The following ADGRE1 variants were observed in gnomAD, a reference collection of about 807,000 sequenced individuals.
ADGRE1 encodes adhesion G protein-coupled receptor E1.
In ADGRE1, 82 loss-of-function variants were observed where a neutral mutation model predicts 102.7. That is an observed-to-expected ratio of 0.80 (90% CI 0.67 to 0.96). The LOEUF is 0.96. Ranked by LOEUF, ADGRE1 falls within the 40% of genes least tolerant of loss-of-function variation. The probability of loss-of-function intolerance (pLI) is 0.00; values close to 1 mark genes in which losing one functional copy is unlikely to be tolerated. For missense variants in ADGRE1, 1,032 were observed against 1,085.3 expected (o/e 0.95, Z 0.69); for synonymous variants, 398 against 399.6 (o/e 1.00, Z 0.05).
chr19:6,925,184 C>T (rs1424354989), intron 15 of ADGRE1, among the ~76,000 whole-genome samples: 2 of 152,118 alleles, frequency 1.3e-5, no homozygotes, highest in Admixed American at 6.6e-5. Flanking sequence ...TGCAATGGCA[C>T]GATCTTGGCT....
intron 10 of ADGRE1, among the ~76,000 whole-genome samples, chr19:6,911,542 TAA>T (rs1974183125): frequency 6.6e-6 from 1 of 151,948 alleles, no homozygotes; most frequent in Non-Finnish European, 1.5e-5. Context: ...CATCCAGTGT[TAA>T]GAGGTAGATA....
At chr19:6,926,738 G>T (rs1351255005) in intron 16 of ADGRE1, 137 bp downstream of exon 16, 1 of 843,362 alleles carries the variant, frequency 1.2e-6, no homozygotes, top group African/African-American at 1.7e-5. Context: ...ATGTACTATT[G>T]GTTTCAGGAC....
At chr19:6,910,664 C>T (rs434431) in intron 10 of ADGRE1, among the ~76,000 whole-genome samples, 93,623 of 148,994 alleles carry the variant, frequency 0.63, 31,303 homozygotes, top group Non-Finnish European at 0.75. Context: ...CTCCGCCTCC[C>T]GGGTTCATGC....
At chr19:6,906,348 C>A in intron 8 of ADGRE1, 85 bp from the exon 9 acceptor site, 1 of 1,217,604 alleles carries the variant, frequency 8.2e-7, no homozygotes, top group Non-Finnish European at 1.2e-6. Context: ...AAGTCGGGCA[C>A]GGGAGGACAT....
chr19:6,929,611 C>T (rs910486593), intron 17 of ADGRE1, among the ~76,000 whole-genome samples: 1 of 151,972 alleles, frequency 6.6e-6, no homozygotes, highest in Non-Finnish European at 1.5e-5. Context: ...CAACCTCTGC[C>T]TCCTGGGTTC....
chr19:6,901,753 G>A, intron 5 of ADGRE1, 122 bp from the exon 6 acceptor site: 1 of 994,320 alleles, frequency 1.0e-6, no homozygotes, highest in South Asian at 1.5e-5. Flanking sequence ...GGGGAACATG[G>A]ATATTGGGGA....
At chr19:6,909,762 T>G (rs1974101445) in intron 10 of ADGRE1, among the ~76,000 whole-genome samples, 1 of 152,146 alleles carries the variant, frequency 6.6e-6, no homozygotes. Context: ...TGAGATGAAG[T>G]CTTGCTCTGT....
Position 6,901,861 on chromosome 19 carries a change from C to T in ADGRE1, c.515-14C>T. 1 of 1,613,476 alleles carries T rather than the reference C, an allele frequency of 6.2e-7. No homozygotes were observed. The highest frequency in any genetic ancestry group is 8.5e-7 in the Non-Finnish European group (1 of 1,179,464). On this transcript the variant is annotated splice_polypyrimidine_tract_variant and intron_variant, in intron 5 of 20. Coordinates refer to ENST00000312053, the MANE Select transcript of ADGRE1 (RefSeq NM_001974.5). ...TCATTTACCTTGACCTGGGTTTTCT[C>T]TTCCACTCTTCAGACGTGGATGAAT... is the stretch of plus-strand genomic sequence containing the variant.
intron 2 of ADGRE1, 194 bp from the exon 3 acceptor site, chr19:6,896,204 A>T: frequency 3.7e-6 from 2 of 546,974 alleles, no homozygotes; most frequent in Non-Finnish European, 3.2e-6. Flanking sequence ...CTTTTATCTT[A>T]ATTGCATCTA....
At chr19:6,906,654 T>C in intron 9 of ADGRE1, 133 bp downstream of exon 9, 1 of 700,124 alleles carries the variant, frequency 1.4e-6, no homozygotes, top group Non-Finnish European at 2.4e-6. Flanking sequence ...TTTTCTCCTC[T>C]GTAACCTGCT....
intron 11 of ADGRE1, 139 bp downstream of exon 11, chr19:6,913,969 C>A: frequency 1.0e-6 from 1 of 958,078 alleles, no homozygotes; most frequent in Non-Finnish European, 1.5e-6. Context: ...CAAAGCAAGT[C>A]TAATCATATT....
chr19:6,919,668 G>A lies in ADGRE1; in HGVS notation c.1541G>A (p.Arg514Gln), dbSNP rs767177184. Reference protein sequence around the residue: ...TSEIKLKMNSRVVGGIMTGEK... With the variant: ...TSEIKLKMNSQVVGGIMTGEK... ...GAGATCAAGCTGAAGATGAATTCTC[G>A]AGTCGTTGGGGGCATAATGACTGGA... The change falls in exon 13 of 21, where the codon CGA (arginine) becomes CAA (glutamine). Residue 514 changes from arginine to glutamine, a missense_variant. Transcript: ENST00000312053. 4 of 1,613,394 alleles carry A rather than the reference G, an allele frequency of 2.5e-6. No individual in the cohort carries two copies. The highest frequency in any genetic ancestry group is 3.4e-6 in the Non-Finnish European group (4 of 1,179,914).
chr19:6,936,521 C>T (rs1023396325), intron 18 of ADGRE1, among the ~76,000 whole-genome samples: 1 of 151,410 alleles, frequency 6.6e-6, no homozygotes, highest in Non-Finnish European at 1.5e-5. Flanking sequence ...AGTTTCACAT[C>T]AGATGAAATT....
chr19:6,926,562 C>T lies in ADGRE1; in HGVS notation c.2183C>T (p.Ser728Phe), dbSNP rs748162874. Residue 728 changes from serine to phenylalanine, a missense_variant, in exon 16 of 21, where the codon TCT becomes TTT. Physicochemically the swap from Ser to Phe is radical, Grantham distance 155. Transcript: ENST00000312053. ...CTGCCGATGCTGGTGGTGGTGATCTCTGCCAGTGTGCAGCCACAGGGCTAT... is the reference window on the plus strand; with the variant it reads ...CTGCCGATGCTGGTGGTGGTGATCTTTGCCAGTGTGCAGCCACAGGGCTAT... ...YGLPMLVVVI[S>F]ASVQPQGYGM... 6.2e-7 allele frequency: 1 copy of T among 1,614,224 alleles called. No individual in the cohort carries two copies. The highest frequency in any genetic ancestry group is 2.2e-5 in the East Asian group (1 of 44,886).
chr19:6,927,239 T>TTCCTTCCTCCCTCCCTCCC (rs1974957502), intron 16 of ADGRE1, among the ~76,000 whole-genome samples: 1 of 97,488 alleles, frequency 1.0e-5, no homozygotes, highest in Non-Finnish European at 1.9e-5. Flanking sequence ...CCCTCCCTCC[T>TTCCTTCCTCCCTCCCTCCC]TCCTTCCTCC....
At position 6,926,388 on chromosome 19, in the gene ADGRE1, G is replaced by T. The variant is rs370801852; in HGVS notation, c.2009G>T (p.Gly670Val). ...CAGATGGGCTGCGCCATCATCGCGG[G>T]CTTCCTGCACTACCTTTTCCTTGCC... ...DNKMGCAIIA[G>V]FLHYLFLACF... Residue 670 changes from glycine to valine, a missense_variant, in exon 16 of 21, where the codon GGC becomes GTC. By Grantham distance (109) the Gly-to-Val change is moderately radical (BLOSUM62 -3). Transcript: ENST00000312053. The T allele has an allele frequency of 1.9e-6, 3 of 1,614,148 alleles. No individual in the cohort carries two copies. Among genetic ancestry groups the T allele is most frequent in the Non-Finnish European group, 2.5e-6 (3 of 1,180,038 alleles).
At chr19:6,912,547 T>C (rs1164297458) in intron 10 of ADGRE1, among the ~76,000 whole-genome samples, 1 of 152,192 alleles carries the variant, frequency 6.6e-6, no homozygotes, top group African/African-American at 2.4e-5. Context: ...TACCATAATA[T>C]AAAATTTTAA....
intron 15 of ADGRE1, 144 bp downstream of exon 15, chr19:6,925,016 C>G (rs1467849212): frequency 2.0e-5 from 15 of 755,118 alleles, no homozygotes; most frequent in Non-Finnish European, 3.0e-5. Context: ...CACTCACTTC[C>G]CAGCTTCTTA....
intron 12 of ADGRE1, 91 bp from the exon 13 acceptor site, chr19:6,919,454 GTGT>G: frequency 1.5e-6 from 1 of 661,170 alleles, no homozygotes; most frequent in Non-Finnish European, 2.6e-6. Flanking sequence ...GTGTGTGTGT[GTGT>G]GTGTGTGTGT....
Sources: gnomAD v4.1 joint callset for allele counts (sites outside exome capture counted in the v4.1 genomes callset) on GRCh38, gnomAD v4.1.1 for gene constraint, MANE v1.5 for transcripts, NCBI Gene and HGNC (gene_info 2026-07-23, HGNC 2026-07-21) for gene names.